Variants in PARN observed in about 807,000 individuals in gnomAD.
The protein encoded by PARN is poly(A)-specific ribonuclease PARN.
In PARN, 71 loss-of-function variants were observed where a neutral mutation model predicts 102.8. The observed-to-expected ratio is 0.69, with a 90% confidence interval of 0.57 to 0.84. The LOEUF (loss-of-function observed/expected upper bound fraction) is 0.84. PARN is among the 40% of genes least tolerant of loss of function. PARN has a pLI of 0.00. For synonymous variants in PARN, 261 were observed against 252.9 expected (o/e 1.03, Z -0.30); for missense variants, 782 against 760.9 (o/e 1.03, Z -0.33).
intron 23 of PARN, among the ~76,000 whole-genome samples, chr16:14,438,194 C>G (rs1163242369): frequency 2.6e-5 from 4 of 152,124 alleles, no homozygotes; most frequent in Non-Finnish European, 4.4e-5. Context: ...TTCCCAGTCC[C>G]ACAATGATAC....
intron 5 of PARN, among the ~76,000 whole-genome samples, chr16:14,621,169 C>G (rs1483392561): frequency 1.3e-5 from 2 of 152,178 alleles, no homozygotes; most frequent in African/African-American, 2.4e-5. Flanking sequence ...AACCAAGACT[C>G]AATGTATTTT....
intron 18 of PARN, among the ~76,000 whole-genome samples, chr16:14,566,290 A>G (rs570394574): frequency 1.3e-5 from 2 of 152,322 alleles, no homozygotes; most frequent in Non-Finnish European, 2.9e-5. Flanking sequence ...ATGTGTCCTC[A>G]TAAGAGAGAG....
At chr16:14,524,787 G>A (rs943988661) in intron 21 of PARN, among the ~76,000 whole-genome samples, 4 of 152,170 alleles carry the variant, frequency 2.6e-5, no homozygotes, top group African/African-American at 9.7e-5. Context: ...CTCGGATCCT[G>A]CTTCATGGTT....
intron 18 of PARN, among the ~76,000 whole-genome samples, chr16:14,568,603 AT>A (rs1449404368): frequency 3.3e-5 from 5 of 152,058 alleles, no homozygotes; most frequent in Admixed American, 1.3e-4. Context: ...CTCAAAAAAA[AT>A]AATTTAAAAA....
Position 14,496,321 on chromosome 16 carries a change from C to G in PARN, c.1481-13494G>C, listed in dbSNP as rs541251455. Among the ~76,000 whole-genome samples, 4 of 152,136 alleles carry G rather than the reference C, an allele frequency of 2.6e-5. No individual in the cohort carries two copies. In the East Asian group the frequency reaches 7.7e-4, roughly 29 times the overall value. ...AGGGCTTTCCCAAGTGCTGACACAG[C>G]AGCTTAAAAAGTGGGTAGTGAAGTG... On this transcript the variant is annotated intron_variant, in intron 21 of 23. Coordinates refer to ENST00000437198, the MANE Select transcript of PARN (RefSeq NM_002582.4).
intron 21 of PARN, among the ~76,000 whole-genome samples, chr16:14,499,361 G>A (rs1395390128): frequency 6.6e-6 from 1 of 152,190 alleles, no homozygotes; most frequent in East Asian, 1.9e-4. Flanking sequence ...AGTGGAAGGA[G>A]ACAGTGAGCC....
intron 21 of PARN, among the ~76,000 whole-genome samples, chr16:14,512,189 C>G (rs1364452944): frequency 6.6e-6 from 1 of 152,164 alleles, no homozygotes; most frequent in African/African-American, 2.4e-5. Context: ...CTTGTCATGA[C>G]TGTGCTAAGT....
intron 12 of PARN, among the ~76,000 whole-genome samples, chr16:14,593,945 C>G (rs1485250090): frequency 6.6e-6 from 1 of 151,370 alleles, no homozygotes; most frequent in East Asian, 1.9e-4. Flanking sequence ...TGCAGTGAGC[C>G]AAGATTGCAC....
At chr16:14,530,969 A>G (rs938671459) in intron 21 of PARN, among the ~76,000 whole-genome samples, 6 of 151,156 alleles carry the variant, frequency 4.0e-5, no homozygotes, top group Admixed American at 6.6e-5. Flanking sequence ...GCATGCATTC[A>G]TTCATTCATC....
intron 18 of PARN, among the ~76,000 whole-genome samples, chr16:14,568,908 TAAATTA>T (rs1968604582): frequency 6.6e-6 from 1 of 150,420 alleles, no homozygotes; most frequent in Non-Finnish European, 1.5e-5. Context: ...AAAATTAAAT[TAAATTA>T]AATTTTTTAA....
chr16:14,538,258 G>A (rs894564943), intron 21 of PARN, among the ~76,000 whole-genome samples: 23 of 132,478 alleles, frequency 1.7e-4, no homozygotes, highest in African/African-American at 3.5e-4. Context: ...TCATTCTGTC[G>A]TCCAGGCTGG....
intron 20 of PARN, among the ~76,000 whole-genome samples, chr16:14,553,514 C>T (rs1967460249): frequency 6.6e-6 from 1 of 152,176 alleles, no homozygotes; most frequent in Non-Finnish European, 1.5e-5. Flanking sequence ...AGCTTAAATG[C>T]TTCGTTTGTT....
chr16:14,555,360 T>C (rs1967615074), intron 19 of PARN, among the ~76,000 whole-genome samples: 1 of 152,210 alleles, frequency 6.6e-6, no homozygotes, highest in Non-Finnish European at 1.5e-5. Flanking sequence ...AAAAATCTAT[T>C]ATAAATACTT....
intron 22 of PARN, among the ~76,000 whole-genome samples, chr16:14,478,239 C>T (rs1219157356): frequency 6.6e-6 from 1 of 152,040 alleles, no homozygotes; most frequent in Non-Finnish European, 1.5e-5. Flanking sequence ...TCCCTTGAGC[C>T]CAGGAGTTCA....
Position 14,554,048 on chromosome 16 carries a change from C to G in PARN, c.1405+17G>C, listed in dbSNP as rs751856385. 5.1e-6 allele frequency: 8 copies of G among 1,573,158 alleles called. No homozygotes were observed. The highest frequency in any genetic ancestry group is 2.7e-5 in the African/African-American group (2 of 74,156). On this transcript the variant is annotated intron_variant, in intron 20 of 23. Transcript: ENST00000437198. ...AATAGCAAAACCCTAAAAAGTACAT[C>G]TGAACTTGCGACTTACCAAAGGCAC...
chr16:14,489,094 C>T (rs1285130822), intron 21 of PARN, among the ~76,000 whole-genome samples: 1 of 152,076 alleles, frequency 6.6e-6, no homozygotes, highest in Non-Finnish European at 1.5e-5. Context: ...AACACACATA[C>T]ATACACACAT....
chr16:14,545,892 C>T (rs528506084), intron 21 of PARN, among the ~76,000 whole-genome samples: 1 of 152,094 alleles, frequency 6.6e-6, no homozygotes, highest in East Asian at 1.9e-4. Context: ...AAAAGAAGAA[C>T]CAATCACATA....
At chr16:14,493,135 C>T (rs368437779) in intron 21 of PARN, among the ~76,000 whole-genome samples, 6 of 152,094 alleles carry the variant, frequency 3.9e-5, no homozygotes, top group African/African-American at 7.2e-5. Flanking sequence ...CAAAATTTTC[C>T]GAGACCAAAA....
chr16:14,563,691 G>T lies in PARN; in HGVS notation c.1263-7982C>A, dbSNP rs1346973037. On this transcript the variant is annotated intron_variant, in intron 18 of 23. Transcript: ENST00000437198. Reference sequence around the variant, plus strand: ...GCTGGAATGACAGGTGCACACCACCGCACCTGGCTTTTTTTTTTTTTTTAG... The same window carrying T: ...GCTGGAATGACAGGTGCACACCACCTCACCTGGCTTTTTTTTTTTTTTTAG... Among the ~76,000 whole-genome samples, 3 of 149,016 alleles carry T rather than the reference G, an allele frequency of 2.0e-5. No individual in the cohort carries two copies. In the East Asian group the frequency reaches 5.9e-4, roughly 29 times the overall value.
Sources: gnomAD v4.1 joint callset for allele counts (sites outside exome capture counted in the v4.1 genomes callset) on GRCh38, gnomAD v4.1.1 for gene constraint, MANE v1.5 for transcripts, NCBI Gene and HGNC (gene_info 2026-07-23, HGNC 2026-07-21) for gene names.